The following DNAJB13 variants were observed in gnomAD, a reference collection of about 807,000 sequenced individuals.
DNAJB13 encodes dnaJ homolog subfamily B member 13.
DNAJB13 carries 22 observed loss-of-function variants against 35.6 expected under a neutral mutation model. That is an observed-to-expected ratio of 0.62 (90% CI 0.44 to 0.88). DNAJB13 has a LOEUF of 0.88. Ranked by LOEUF, DNAJB13 falls within the 40% of genes least tolerant of loss-of-function variation. DNAJB13 has a pLI of 0.00. For synonymous variants in DNAJB13, 136 were observed against 144.2 expected (o/e 0.94, Z 0.41); for missense variants, 370 against 384.3 (o/e 0.96, Z 0.31).
chr11:73,952,374 A>G (rs1159522902), intron 1 of DNAJB13, among the ~76,000 whole-genome samples: 1 of 152,210 alleles, frequency 6.6e-6, no homozygotes, highest in Non-Finnish European at 1.5e-5. Flanking sequence ...TGCTGTTCTG[A>G]GAACTTTCCA....
intron 5 of DNAJB13, among the ~76,000 whole-genome samples, chr11:73,967,596 T>G (rs1292854256): frequency 6.6e-6 from 1 of 151,930 alleles, no homozygotes; most frequent in Admixed American, 6.6e-5. Flanking sequence ...AATAAAAAAT[T>G]TAGCTGGGCA....
chr11:73,959,415 T>C, intron 2 of DNAJB13, 79 bp from the exon 3 acceptor site: 1 of 1,523,036 alleles, frequency 6.6e-7, no homozygotes, highest in South Asian at 1.3e-5. Context: ...CCTTTCTCCA[T>C]ATCCGCCTGC....
intron 6 of DNAJB13, among the ~76,000 whole-genome samples, chr11:73,968,765 G>T (rs1275229041): frequency 1.3e-5 from 2 of 151,200 alleles, no homozygotes; most frequent in Admixed American, 1.3e-4. Context: ...TGTGCCACTG[G>T]AGGCCCTCTG....
intron 1 of DNAJB13, among the ~76,000 whole-genome samples, chr11:73,957,941 A>C (rs1381706540): frequency 6.6e-6 from 1 of 152,188 alleles, no homozygotes; most frequent in African/African-American, 2.4e-5. Flanking sequence ...GGGAGAGTGC[A>C]GCGAGGCCCG....
Position 73,958,379 on chromosome 11 carries a change from T to C in DNAJB13, c.131T>C (p.Ile44Thr). 1 of 1,613,952 alleles carries C rather than the reference T, an allele frequency of 6.2e-7. No individual in the cohort carries two copies. The highest frequency in any genetic ancestry group is 8.5e-7 in the Non-Finnish European group (1 of 1,179,954). Residue 44 changes from isoleucine (I) to threonine (T), a missense_variant, in exon 2 of 8, where the codon ATT becomes ACT. Coordinates refer to ENST00000339764, the MANE Select transcript of DNAJB13 (RefSeq NM_153614.4). ...LKSNEPSSAEIFRQIAEAYDV... is the reference protein window; with the variant it reads ...LKSNEPSSAETFRQIAEAYDV... ...TCAAATGAGCCGTCTTCAGCAGAGA[T>C]TTTCAGGCAAATAGCAGAGGCCTAC...
intron 4 of DNAJB13, 184 bp from the exon 5 acceptor site, chr11:73,965,954 G>A: frequency 5.0e-6 from 3 of 605,038 alleles, no homozygotes; most frequent in South Asian, 3.8e-5. Context: ...AGTGGCTCAG[G>A]GCAGGCTCTC....
At chr11:73,966,495 G>C (rs911114518) in intron 5 of DNAJB13, among the ~76,000 whole-genome samples, 1 of 152,076 alleles carries the variant, frequency 6.6e-6, no homozygotes, top group African/African-American at 2.4e-5. Flanking sequence ...TACAGAGTGG[G>C]AAATGGGGGC....
rs984313140 is a variant in DNAJB13 at position 73,969,888 on chromosome 11, G to T, written c.798-73G>T. On this transcript the variant is annotated intron_variant, in intron 7 of 7. Coordinates refer to ENST00000339764, the MANE Select transcript of DNAJB13 (RefSeq NM_153614.4). ...CCTTCCTGGGGTTATGTGAGTAGGG[G>T]TTATATGACAGGGACCTGCTGAGGT... is the stretch of plus-strand genomic sequence containing the variant. The T allele has an allele frequency of 1.2e-5, 19 of 1,528,998 alleles. 1 individual carries two copies. In the South Asian group the frequency reaches 2.2e-4, roughly 18 times the overall value. 94.7% of individuals were successfully genotyped at this position (1,528,998 alleles called of 1,614,324 possible).
chr11:73,958,704 A>G (rs1387895237), intron 2 of DNAJB13, among the ~76,000 whole-genome samples: 1 of 152,074 alleles, frequency 6.6e-6, no homozygotes, highest in Non-Finnish European at 1.5e-5. Flanking sequence ...CCCTGCGGGG[A>G]CGGGACCTTC....
At chr11:73,954,819 C>T (rs962658546) in intron 1 of DNAJB13, among the ~76,000 whole-genome samples, 3 of 151,860 alleles carry the variant, frequency 2.0e-5, no homozygotes, top group Non-Finnish European at 2.9e-5. Flanking sequence ...GGCGTGGTGA[C>T]GGGTACCTGT....
intron 1 of DNAJB13, 112 bp from the exon 2 acceptor site, chr11:73,958,205 T>A: frequency 4.6e-6 from 5 of 1,084,940 alleles, no homozygotes; most frequent in Non-Finnish European, 6.9e-6. Context: ...GCTGGTGAAG[T>A]CACCCCGGAT....
intron 5 of DNAJB13, 30 bp from the exon 6 acceptor site, chr11:73,968,315 C>A (rs778281028): frequency 5.0e-6 from 8 of 1,604,542 alleles, no homozygotes; most frequent in Non-Finnish European, 6.0e-6. Context: ...GCCAACTAGT[C>A]CTTGTCACCT....
At position 73,951,129 on chromosome 11, in the gene DNAJB13, C is replaced by G; in HGVS notation, c.60C>G (p.Ile20Met). Residue 20 changes from isoleucine (I) to methionine (M), a missense_variant, in exon 1 of 8, where the codon ATC (isoleucine) becomes ATG (methionine). Transcript: ENST00000339764. ...CTCGCAATTCAGAGGATGCCCAGATCAAGCAGGCGTAAGTTGGGGTGGGAG... is the reference window on the plus strand; with the variant it reads ...CTCGCAATTCAGAGGATGCCCAGATGAAGCAGGCGTAAGTTGGGGTGGGAG... ...GITRNSEDAQ[I>M]KQAYRRLALK... 4 of 1,614,090 alleles carry G rather than the reference C, an allele frequency of 2.5e-6. No individual in the cohort carries two copies. Among genetic ancestry groups the G allele is most frequent in the Non-Finnish European group, 3.4e-6 (4 of 1,180,012 alleles).
chr11:73,964,936 A>C lies in DNAJB13; in HGVS notation c.393A>C (p.Arg131=), dbSNP rs1249572134. The C allele has an allele frequency of 6.2e-7, 1 of 1,613,508 alleles. No individual in the cohort carries two copies. The highest frequency in any genetic ancestry group is 8.5e-7 in the Non-Finnish European group (1 of 1,179,952). The stretch of plus-strand genomic sequence containing the variant: ...TGAACTTTGGGGGGCTCCAGGGCCG[A>C]GGGGTCAAGAAGCAGGACCCCCAAG... ...VDLNFGGLQG[R]GVKKQDPQVE... The change falls in exon 4 of 8, where the codon CGA becomes CGC. Residue 131 remains arginine, a synonymous_variant. Coordinates refer to ENST00000339764, the MANE Select transcript of DNAJB13 (RefSeq NM_153614.4).
At chr11:73,953,441 G>A (rs1305525914) in intron 1 of DNAJB13, among the ~76,000 whole-genome samples, 1 of 152,156 alleles carries the variant, frequency 6.6e-6, no homozygotes, top group Non-Finnish European at 1.5e-5. Context: ...CTCCCCGAGT[G>A]TACAATTTCT....
At chr11:73,962,803 C>T (rs184924084) in intron 3 of DNAJB13, among the ~76,000 whole-genome samples, 2 of 152,268 alleles carry the variant, frequency 1.3e-5, no homozygotes, top group Admixed American at 1.3e-4. Flanking sequence ...GCCACCCTCA[C>T]GTGTCTGCCA....
intron 3 of DNAJB13, 151 bp downstream of exon 3, chr11:73,959,806 A>G: frequency 1.3e-6 from 1 of 774,084 alleles, no homozygotes; most frequent in Admixed American, 3.8e-5. Flanking sequence ...TCTGTTTCCC[A>G]GGCTGGAGTG....
intron 5 of DNAJB13, 44 bp downstream of exon 5, chr11:73,966,295 G>A: frequency 6.4e-7 from 1 of 1,554,728 alleles, no homozygotes; most frequent in Non-Finnish European, 8.8e-7. Flanking sequence ...CTGAGCTCAG[G>A]CGGTGGGAAG....
intron 1 of DNAJB13, among the ~76,000 whole-genome samples, chr11:73,956,743 T>C (rs1950752278): frequency 6.9e-6 from 1 of 144,126 alleles, no homozygotes; most frequent in Non-Finnish European, 1.5e-5. Flanking sequence ...GCAGAGGTTG[T>C]AGTGAGTAGA....
Sources: allele counts gnomAD v4.1 joint callset (sites outside exome capture counted in the v4.1 genomes callset), GRCh38; gene constraint gnomAD v4.1.1; transcripts MANE v1.5; gene names NCBI Gene and HGNC (gene_info 2026-07-23, HGNC 2026-07-21).